The following GTF2IRD2B variants were observed in gnomAD, a reference collection of about 807,000 sequenced individuals.
GTF2IRD2B encodes the protein GTF2I repeat domain containing 2B.
GTF2IRD2B carries 10 observed loss-of-function variants against 55.6 expected under a neutral mutation model. That is an observed-to-expected ratio of 0.18 (90% CI 0.11 to 0.31). The LOEUF is 0.31. Ranked by LOEUF, GTF2IRD2B falls within the 10% of genes least tolerant of loss-of-function variation. The pLI is 1.00. For synonymous variants in GTF2IRD2B, 107 were observed against 320.5 expected (o/e 0.33, Z 7.12); for missense variants, 206 against 802.7 (o/e 0.26, Z 8.98).
chr7:75,102,178 T>G lies in GTF2IRD2B; in HGVS notation c.-5-6782T>G, dbSNP rs1241319986. Among the ~76,000 whole-genome samples, 13 of 150,950 alleles carry G rather than the reference T, an allele frequency of 8.6e-5. 1 individual carries two copies. Among genetic ancestry groups the G allele is most frequent in the African/African-American group, 3.2e-4 (13 of 41,248 alleles). On this transcript the variant is annotated intron_variant, in intron 1 of 15. Transcript: ENST00000472837. ...CCACCATGCCCGGCTAATTTTTGTA[T>G]TTTTAGTAGAGACAAAGTTTCACCA...
chr7:75,109,249 G>GGTTCAAGCAATTCTCCTGC (rs1227808616), intron 2 of GTF2IRD2B, among the ~76,000 whole-genome samples, 186 bp downstream of exon 2: 1 of 146,106 alleles, frequency 6.8e-6, no homozygotes, highest in African/African-American at 2.4e-5. Flanking sequence ...CTGCCTCCTG[G>GGTTCAAGCAATTCTCCTGC]GTTCAAGCAA....
intron 3 of GTF2IRD2B, among the ~76,000 whole-genome samples, chr7:75,120,048 G>C (rs587622463): frequency 7.7e-6 from 1 of 129,804 alleles, no homozygotes; most frequent in East Asian, 2.0e-4. Flanking sequence ...AGAATGGCGT[G>C]AACCCGGGAG....
rs587705752 is a variant in GTF2IRD2B at position 75,112,627 on chromosome 7, A to G, written c.238+92A>G. ...TATTTTCTTCTAAGCTATCATAAGC[A>G]TTCTCCTAGAAACGATCCTAACACA... On this transcript the variant is annotated intron_variant, in intron 3 of 15. Transcript: ENST00000472837. 2.3e-5 allele frequency: 33 copies of G among 1,405,912 alleles called. No individual in the cohort carries two copies. In the South Asian group the frequency reaches 3.7e-4, roughly 16 times the overall value. The allele number at this position is 1,405,912 out of a possible 1,614,324, so 87.1% of individuals were successfully genotyped here. A position where few individuals can be genotyped will look rare whatever the true frequency, so the allele number is the denominator to read the frequency against.
chr7:75,101,429 G>A (rs1238749515), intron 1 of GTF2IRD2B, among the ~76,000 whole-genome samples: 1 of 150,354 alleles, frequency 6.7e-6, no homozygotes, highest in East Asian at 2.0e-4. Context: ...GCTGAGTGTC[G>A]TGGCACATGC....
intron 6 of GTF2IRD2B, among the ~76,000 whole-genome samples, chr7:75,124,038 A>AT (rs1224384256): frequency 6.0e-5 from 9 of 151,020 alleles, no homozygotes; most frequent in Admixed American, 4.0e-4. Context: ...AATAAAGAAT[A>AT]TTTTTTAAAA....
chr7:75,148,232 C>T lies in GTF2IRD2B; in HGVS notation c.1785C>T (p.Ile595=), dbSNP rs1554454541. 2 of 1,613,892 alleles carry T rather than the reference C, an allele frequency of 1.2e-6. No individual in the cohort carries two copies. The highest frequency in any genetic ancestry group is 1.3e-5 in the African/African-American group (1 of 75,018). The change falls in exon 16 of 16, where the codon ATC becomes ATT. Residue 595 remains isoleucine (I), a synonymous_variant. Coordinates refer to ENST00000472837, the MANE Select transcript of GTF2IRD2B (RefSeq NM_001003795.3). ...PMTGTKSGNE[I]FLRVEKSLKK... is the part of the protein sequence containing the mutation. ...CGGGTACAAAATCTGGCAACGAGAT[C>T]TTTTTGCGTGTTGAGAAGAGCCTGA...
intron 2 of GTF2IRD2B, among the ~76,000 whole-genome samples, chr7:75,109,426 C>G (rs1807898221): frequency 7.1e-6 from 1 of 140,798 alleles, no homozygotes; most frequent in Admixed American, 7.4e-5. Flanking sequence ...GCAACCTCCG[C>G]CTCCCGGGTT....
Position 75,149,528 on chromosome 7 carries a change from G to A in GTF2IRD2B, c.*231G>A. ...CCCGAGCAGCTGGGACTACAGGCATGCGCCACCATGCCCGGCTAATTTTTG... is the reference window on the plus strand; with the variant it reads ...CCCGAGCAGCTGGGACTACAGGCATACGCCACCATGCCCGGCTAATTTTTG... On this transcript the variant is annotated 3_prime_UTR_variant, in exon 16 of 16. Transcript: ENST00000472837. The A allele has an allele frequency of 5.7e-6, 3 of 528,778 alleles. No homozygotes were observed. The highest frequency in any genetic ancestry group is 1.0e-5 in the Non-Finnish European group (3 of 293,426). The allele number at this position is 528,778 out of a possible 1,614,324, so 32.8% of individuals were successfully genotyped here. A position where few individuals can be genotyped will look rare whatever the true frequency, so the allele number is the denominator to read the frequency against.
Position 75,148,310 on chromosome 7 carries a change from C to G in GTF2IRD2B, c.1863C>G (p.Thr621=). The G allele has an allele frequency of 1.2e-6, 2 of 1,613,540 alleles. No homozygotes were observed. The highest frequency in any genetic ancestry group is 1.7e-6 in the Non-Finnish European group (2 of 1,179,776). The stretch of plus-strand genomic sequence containing the variant: ...TAGTAAGCGTGGCCTCCACTGGCAC[C>G]CCAGCGATGGTGGATGCCAATAACG... ...SRLVSVASTG[T]PAMVDANNGL... The change falls in exon 16 of 16, where the codon ACC becomes ACG. Residue 621 remains threonine (T), a synonymous_variant. Coordinates refer to ENST00000472837, the MANE Select transcript of GTF2IRD2B (RefSeq NM_001003795.3).
chr7:75,148,300 C>T lies in GTF2IRD2B; in HGVS notation c.1853C>T (p.Ser618Phe). The T allele has an allele frequency of 6.2e-7, 1 of 1,613,656 alleles. No individual in the cohort carries two copies. The highest frequency in any genetic ancestry group is 1.1e-5 in the South Asian group (1 of 91,054). ...INWSRLVSVA[S>F]TGTPAMVDAN... ...TGGTCGAGATTAGTAAGCGTGGCCT[C>T]CACTGGCACCCCAGCGATGGTGGAT... Residue 618 changes from serine (S) to phenylalanine (F), a missense_variant, in exon 16 of 16, where the codon TCC (serine) becomes TTC (phenylalanine). By Grantham distance (155) the Ser-to-Phe change is radical. Coordinates refer to ENST00000472837, the MANE Select transcript of GTF2IRD2B (RefSeq NM_001003795.3).
chr7:75,109,133 A>G (rs1807878261), intron 2 of GTF2IRD2B, 70 bp downstream of exon 2: 2 of 666,134 alleles, frequency 3.0e-6, no homozygotes, highest in African/African-American at 2.9e-5. Context: ...ATCATGAAAC[A>G]CTTCAGTATG....
intron 1 of GTF2IRD2B, among the ~76,000 whole-genome samples, chr7:75,102,019 G>T (rs1271578706): frequency 4.1e-5 from 6 of 147,278 alleles, no homozygotes; most frequent in East Asian, 2.0e-4. Flanking sequence ...TTGTTTTTTT[G>T]TGAGACGGAG....
chr7:75,101,778 T>G (rs1184450605), intron 1 of GTF2IRD2B, among the ~76,000 whole-genome samples: 1 of 144,194 alleles, frequency 6.9e-6, no homozygotes, highest in African/African-American at 2.6e-5. Flanking sequence ...CCTGTAATCC[T>G]AGCTACTCAG....
chr7:75,101,321 A>G (rs1554449512), intron 1 of GTF2IRD2B, among the ~76,000 whole-genome samples: 1 of 151,198 alleles, frequency 6.6e-6, no homozygotes, highest in African/African-American at 2.4e-5. Context: ...TGTAATCCCA[A>G]CACTCTGGGA....
intron 1 of GTF2IRD2B, among the ~76,000 whole-genome samples, chr7:75,093,545 GGCCGTCATTCCCCGGTCCCCAC>G: frequency 6.6e-6 from 1 of 152,266 alleles, no homozygotes; most frequent in Non-Finnish European, 1.5e-5. Context: ...AACCCCATTA[GGCCGTCATTCCCCGGTCCCCAC>G]CCCGTCCCTA....
chr7:75,096,422 A>AT (rs1189486321), intron 1 of GTF2IRD2B, among the ~76,000 whole-genome samples: 45 of 23,272 alleles, frequency 1.9e-3, no homozygotes, highest in Middle Eastern at 0.013. Context: ...TGCCCAGCTA[A>AT]TTTTTTTTTT....
chr7:75,122,790 G>A (rs1339008262), intron 4 of GTF2IRD2B, among the ~76,000 whole-genome samples: 6 of 148,580 alleles, frequency 4.0e-5, no homozygotes, highest in Non-Finnish European at 9.0e-5. Flanking sequence ...TGGCTCGCCT[G>A]TTATCCTAGC....
intron 8 of GTF2IRD2B, among the ~76,000 whole-genome samples, chr7:75,127,438 C>T (rs1270890202): frequency 3.1e-5 from 4 of 130,040 alleles, no homozygotes; most frequent in Non-Finnish European, 4.7e-5. Flanking sequence ...CACTGCACTC[C>T]GGCCTGGGTG....
intron 1 of GTF2IRD2B, among the ~76,000 whole-genome samples, chr7:75,105,400 G>C (rs1214618674): frequency 6.6e-6 from 1 of 152,294 alleles, no homozygotes; most frequent in Non-Finnish European, 1.5e-5. Context: ...ACTACTCGGG[G>C]GGTTGAGGCA....
Sources: gnomAD v4.1 joint callset for allele counts (sites outside exome capture counted in the v4.1 genomes callset) on GRCh38, gnomAD v4.1.1 for gene constraint, MANE v1.5 for transcripts, NCBI Gene and HGNC (gene_info 2026-07-23, HGNC 2026-07-21) for gene names.